ZBTB16: variants seen among roughly 807,000 people sequenced by gnomAD.
ZBTB16 encodes zinc finger and BTB domain containing 16.
Under a neutral mutation model 56.8 loss-of-function variants are expected in ZBTB16, and 8 were observed. The ratio of observed to expected loss-of-function variants is 0.14; its 90% CI spans 0.08 to 0.25. ZBTB16 has a LOEUF of 0.25. Among genes scored for constraint, ZBTB16 ranks in the 10% least tolerant of loss-of-function variants. The pLI, the probability that ZBTB16 is intolerant of heterozygous loss-of-function variation, is 1.00. For synonymous variants in ZBTB16, 363 were observed against 368.5 expected (o/e 0.98, Z 0.17); for missense variants, 625 against 903.0 (o/e 0.69, Z 3.95).
chr11:114,233,081 GCACACACACA>G (rs1198148768), intron 4 of ZBTB16, among the ~76,000 whole-genome samples: 15 of 87,544 alleles, frequency 1.7e-4, no homozygotes, highest in South Asian at 4.9e-4. Context: ...GCGCGCGCGC[GCACACACACA>G]CACACACACA....
At chr11:114,129,499 C>T (rs928503594) in intron 2 of ZBTB16, among the ~76,000 whole-genome samples, 1 of 152,260 alleles carries the variant, frequency 6.6e-6, no homozygotes, top group Non-Finnish European at 1.5e-5. Context: ...GCTCCCAGCA[C>T]GCGCCCCTTG....
intron 4 of ZBTB16, among the ~76,000 whole-genome samples, chr11:114,240,596 G>T (rs1025824613): frequency 1.3e-5 from 2 of 152,178 alleles, no homozygotes; most frequent in African/African-American, 2.4e-5. Context: ...ACACAGATGG[G>T]CCTGCCGGGG....
chr11:114,087,230 C>A (rs1294641800), intron 2 of ZBTB16, among the ~76,000 whole-genome samples: 1 of 152,230 alleles, frequency 6.6e-6, no homozygotes, highest in African/African-American at 2.4e-5. Flanking sequence ...AAGAAGATGA[C>A]CTTACCAGTT....
intron 3 of ZBTB16, among the ~76,000 whole-genome samples, chr11:114,167,389 T>G (rs886070201): frequency 1.4e-4 from 18 of 129,450 alleles, no homozygotes; most frequent in Non-Finnish European, 2.2e-4. Context: ...TTTTTTTGTT[T>G]TTTTTTTTTT....
intron 2 of ZBTB16, among the ~76,000 whole-genome samples, chr11:114,139,888 G>A (rs1941900773): frequency 6.6e-6 from 1 of 152,168 alleles, no homozygotes; most frequent in Non-Finnish European, 1.5e-5. Flanking sequence ...AAGGCCAGAT[G>A]TTCTGTAGTA....
Position 114,250,200 on chromosome 11 carries a change from G to C in ZBTB16, c.1793-126G>C. ...CTTGGGTGGTGCCTTCATTGTCCCA[G>C]AAAGTTCTGTTGGAGCAAGCCCAGC... On this transcript the variant is annotated intron_variant, in intron 6 of 6. Coordinates refer to ENST00000335953, the MANE Select transcript of ZBTB16 (RefSeq NM_006006.6). This position sits in a 1 kb window ranked among gnomAD's most constrained non-coding sequence, Gnocchi z 6.0. The C allele has an allele frequency of 1.9e-6, 2 of 1,042,110 alleles. No homozygotes were observed. The highest frequency in any genetic ancestry group is 2.9e-6 in the Non-Finnish European group (2 of 683,348). 64.6% of individuals were successfully genotyped at this position (1,042,110 alleles called of 1,614,324 possible).
intron 2 of ZBTB16, among the ~76,000 whole-genome samples, chr11:114,114,938 C>T (rs1327953082): frequency 6.6e-6 from 1 of 152,116 alleles, no homozygotes; most frequent in Non-Finnish European, 1.5e-5. Context: ...CCGCCTCGGC[C>T]TCCCAAAGTG....
intron 2 of ZBTB16, among the ~76,000 whole-genome samples, chr11:114,142,591 C>T (rs890077471): frequency 6.6e-6 from 1 of 152,190 alleles, no homozygotes; most frequent in African/African-American, 2.4e-5. Flanking sequence ...GGTATTAAGG[C>T]AATAAATGGC....
chr11:114,125,361 C>T (rs896846182), intron 2 of ZBTB16, among the ~76,000 whole-genome samples: 2 of 152,172 alleles, frequency 1.3e-5, no homozygotes, highest in African/African-American at 2.4e-5. Context: ...TGGTTTCCTT[C>T]CTGATCTATG....
intron 5 of ZBTB16, among the ~76,000 whole-genome samples, chr11:114,245,259 C>T (rs1326119964): frequency 2.0e-5 from 3 of 152,340 alleles, no homozygotes; most frequent in Non-Finnish European, 4.4e-5. Context: ...TGGGCCTTGG[C>T]CCATCCCCAG....
intron 2 of ZBTB16, among the ~76,000 whole-genome samples, chr11:114,069,724 G>T (rs572924249): frequency 2.0e-4 from 31 of 152,268 alleles, no homozygotes; most frequent in African/African-American, 7.5e-4. Flanking sequence ...TTTGGAAAAG[G>T]GTATGCTGTA....
At chr11:114,076,377 C>T (rs186219553) in intron 2 of ZBTB16, among the ~76,000 whole-genome samples, 9 of 152,306 alleles carry the variant, frequency 5.9e-5, no homozygotes, top group East Asian at 3.9e-4. Context: ...TGGGCACGCA[C>T]GCTCACGGAG....
rs71477231 is a variant in ZBTB16 at position 114,101,106 on chromosome 11, G to A, written c.1268+36538G>A. 3.1e-3 allele frequency among the ~76,000 whole-genome samples: 474 copies of A among 152,242 alleles called. 3 individuals are homozygous for A. Among genetic ancestry groups the A allele is most frequent in the Non-Finnish European group, 5.0e-3 (342 of 68,010 alleles). On this transcript the variant is annotated intron_variant, in intron 2 of 6. Transcript: ENST00000335953. Reference sequence around the variant, plus strand: ...ACCTTGCTTGCTCTCCCTGGCTCAAGCAATTCTCCCACATTAGCCTCCCAA... The same window carrying A: ...ACCTTGCTTGCTCTCCCTGGCTCAAACAATTCTCCCACATTAGCCTCCCAA...
At chr11:114,099,112 C>G (rs565014459) in intron 2 of ZBTB16, among the ~76,000 whole-genome samples, 1 of 152,246 alleles carries the variant, frequency 6.6e-6, no homozygotes, top group Admixed American at 6.5e-5. Flanking sequence ...ATGACACCTG[C>G]CTCTAGAACA....
chr11:114,243,189 C>A lies in ZBTB16; in HGVS notation c.1624+852C>A, dbSNP rs563640049. Among the ~76,000 whole-genome samples the A allele has an allele frequency of 3.9e-5, 6 of 152,304 alleles. No individual in the cohort carries two copies. The East Asian group carries it at 1.2e-3, about 29-fold the overall frequency. ...CTGAAACTACCTGGTTAAAGGAATG[C>A]CCATTTCTGAGTCTGCCTTTGTGTG... On this transcript the variant is annotated intron_variant, in intron 5 of 6. Coordinates refer to ENST00000335953, the MANE Select transcript of ZBTB16 (RefSeq NM_006006.6).
rs192384980 is a variant in ZBTB16 at position 114,134,483 on chromosome 11, G to A, written c.1269-21854G>A. 1.3e-3 allele frequency among the ~76,000 whole-genome samples: 204 copies of A among 152,302 alleles called. 1 individual carries two copies. The highest frequency in any genetic ancestry group is 1.7e-3 in the Non-Finnish European group (117 of 68,036). On this transcript the variant is annotated intron_variant, in intron 2 of 6. Coordinates refer to ENST00000335953, the MANE Select transcript of ZBTB16 (RefSeq NM_006006.6). ...TTTGTCTCTTAAGATGTGAGGGTAAGGAAAGGGCTAGTTATTATTTTTGAT... is the reference window on the plus strand; with the variant it reads ...TTTGTCTCTTAAGATGTGAGGGTAAAGAAAGGGCTAGTTATTATTTTTGAT...
intron 2 of ZBTB16, among the ~76,000 whole-genome samples, chr11:114,074,784 G>A (rs192194480): frequency 1.3e-5 from 2 of 152,358 alleles, no homozygotes; most frequent in African/African-American, 2.4e-5. Flanking sequence ...TGCCGCTAAA[G>A]GTCCGCGGCC....
chr11:114,064,189 T>C lies in ZBTB16; in HGVS notation c.889T>C (p.Tyr297His), dbSNP rs1939014770. 5 of 1,613,732 alleles carry C rather than the reference T, an allele frequency of 3.1e-6. No homozygotes were observed. Among genetic ancestry groups the C allele is most frequent in the Non-Finnish European group, 4.2e-6 (5 of 1,179,986 alleles). Residue 297 changes from tyrosine to histidine, a missense_variant, in exon 2 of 7, where the codon TAT becomes CAT. This residue lies in a region of ZBTB16 where 384 missense variants were observed against 393.5 expected (regional missense o/e 0.98). Transcript: ENST00000335953. This position sits in a 1 kb window ranked among gnomAD's most constrained non-coding sequence, Gnocchi z 4.2. Reference protein sequence around the residue: ...SVITSARELHYGREESAEQVP... With the variant: ...SVITSARELHHGREESAEQVP... ...CATCACCAGTGCTAGGGAGCTACACTATGGGCGAGAGGAGAGTGCCGAGCA... is the reference window on the plus strand; with the variant it reads ...CATCACCAGTGCTAGGGAGCTACACCATGGGCGAGAGGAGAGTGCCGAGCA...
chr11:114,117,474 A>C (rs1019666914), intron 2 of ZBTB16, among the ~76,000 whole-genome samples: 9 of 151,646 alleles, frequency 5.9e-5, no homozygotes, highest in African/African-American at 2.2e-4. Context: ...GTAGGGAAGT[A>C]GCAAAGGAGG....
Sources: allele counts gnomAD v4.1 joint callset (sites outside exome capture counted in the v4.1 genomes callset), GRCh38; gene constraint gnomAD v4.1.1; regional missense constraint gnomAD v4.1.1; non-coding constraint Gnocchi (gnomAD v3.1); transcripts MANE v1.5; gene names NCBI Gene and HGNC (gene_info 2026-07-23, HGNC 2026-07-21).